Variants in PCNX2 observed in about 807,000 individuals in gnomAD.
PCNX2 encodes pecanex 2.
A neutral mutation model predicts 223.8 loss-of-function variants in PCNX2; 168 were observed. The observed-to-expected ratio is 0.75, with a 90% CI of 0.66 to 0.85. The LOEUF is 0.85. Ranked by LOEUF, PCNX2 falls within the 40% of genes least tolerant of loss-of-function variation. The pLI is 0.00. For missense variants in PCNX2, 2,507 were observed against 2,675.5 expected (o/e 0.94, Z 1.39); for synonymous variants, 1,006 against 1,052.6 (o/e 0.96, Z 0.86).
chr1:233,258,570 A>T lies in PCNX2; in HGVS notation c.1292T>A (p.Ile431Asn). ...CCCACCCTCAGGCAGGTCCAGGGTG[A>T]TTACAGGAATTGAGATCTGCTCGGC... ...PNAEQISIPV[I>N]TLDLPEGGGG... Residue 431 changes from isoleucine (I) to asparagine (N), a missense_variant, in exon 5 of 34, where the codon ATC becomes AAC. Physicochemically the swap from Ile to Asn is moderately radical, Grantham distance 149. This residue lies in a region of PCNX2 where 1,031 missense variants were observed against 1,021.7 expected (regional missense o/e 1.01). Coordinates refer to ENST00000258229, the MANE Select transcript of PCNX2 (RefSeq NM_014801.4). 6.2e-7 allele frequency: 1 copy of T among 1,613,874 alleles called. No homozygotes were observed. The highest frequency in any genetic ancestry group is 1.3e-5 in the African/African-American group (1 of 74,996).
At chr1:233,057,183 C>A in intron 24 of PCNX2, 49 bp downstream of exon 24, 1 of 1,421,508 alleles carries the variant, frequency 7.0e-7, no homozygotes, top group Non-Finnish European at 9.8e-7. Context: ...TTTGAGAATC[C>A]ATCCATACAA....
chr1:233,209,909 C>T (rs367596566), intron 12 of PCNX2, among the ~76,000 whole-genome samples: 12 of 152,198 alleles, frequency 7.9e-5, no homozygotes, highest in Admixed American at 2.6e-4. Context: ...GTATAAATAA[C>T]GATGCAGTAT....
At chr1:233,019,747 C>T (rs947661643) in intron 26 of PCNX2, among the ~76,000 whole-genome samples, 3 of 151,854 alleles carry the variant, frequency 2.0e-5, no homozygotes, top group Admixed American at 6.6e-5. Context: ...ACAGGAGAAC[C>T]GTTGTGTCTG....
chr1:233,295,198 CTCCCTT>C lies in PCNX2; in HGVS notation c.153+122_153+127del. On this transcript the variant is annotated intron_variant, in intron 1 of 33. Transcript: ENST00000258229. This position sits in a 1 kb window ranked among gnomAD's most constrained non-coding sequence, Gnocchi z 4.1. ...TCTCTGTCCCAAATTTCTGAAGCCCCTCCCTTTCCGTCTCTTAAGAATCTCTACGAA... is the reference window on the plus strand; with the variant it reads ...TCTCTGTCCCAAATTTCTGAAGCCCCTCCGTCTCTTAAGAATCTCTACGAA... The C allele has an allele frequency of 2.2e-6, 3 of 1,339,364 alleles. No individual in the cohort carries two copies. Among genetic ancestry groups the C allele is most frequent in the Non-Finnish European group, 3.1e-6 (3 of 979,670 alleles). The allele number at this position is 1,339,364 out of a possible 1,614,324, so 83.0% of individuals were successfully genotyped here.
chr1:233,144,797 A>G (rs1677326939), intron 19 of PCNX2, among the ~76,000 whole-genome samples: 1 of 152,072 alleles, frequency 6.6e-6, no homozygotes, highest in South Asian at 2.1e-4. Context: ...TTTAGCCAGT[A>G]TATGTATGAA....
chr1:233,235,516 A>G (rs976102318), intron 9 of PCNX2, among the ~76,000 whole-genome samples: 1 of 152,178 alleles, frequency 6.6e-6, no homozygotes, highest in Admixed American at 6.5e-5. Context: ...GCTCAGAGCA[A>G]TATGTGGTCA....
chr1:233,159,498 T>C (rs1490251395), intron 19 of PCNX2, among the ~76,000 whole-genome samples: 1 of 152,142 alleles, frequency 6.6e-6, no homozygotes, highest in Non-Finnish European at 1.5e-5. Flanking sequence ...GAAGTTACAA[T>C]AGGCTAAACA....
At position 233,011,680 on chromosome 1, in the gene PCNX2, G is replaced by T. The variant is rs141256516; in HGVS notation, c.4952+2985C>A. Among the ~76,000 whole-genome samples, 1,158 of 152,218 alleles carry T rather than the reference G, an allele frequency of 7.6e-3. 14 individuals carry two copies. The highest frequency in any genetic ancestry group is 0.027 in the African/African-American group (1,112 of 41,522). ...CAGTTCTGGGAGCTTCTAGAGAGCTGAACATGTGCAGGTAGATAGGAAGGT... is the reference window on the plus strand; with the variant it reads ...CAGTTCTGGGAGCTTCTAGAGAGCTTAACATGTGCAGGTAGATAGGAAGGT... On this transcript the variant is annotated intron_variant, in intron 28 of 33. Transcript: ENST00000258229.
Position 233,295,368 on chromosome 1 carries a change from G to A in PCNX2, c.111C>T (p.Tyr37=). The change falls in exon 1 of 34, where the codon TAC becomes TAT. Residue 37 remains tyrosine, a synonymous_variant. Transcript: ENST00000258229. This position sits in a 1 kb window ranked among gnomAD's most constrained non-coding sequence, Gnocchi z 4.1. The part of the protein sequence containing the change: ...QSKFTNSCHL[Y]LWLFLLLLPL... Reference sequence around the variant, plus strand: ...GCAGCAGCAGGAGGAACAGCCACAGGTAGAGGTGGCAGCTGTTGGTGAACT... The same window carrying A: ...GCAGCAGCAGGAGGAACAGCCACAGATAGAGGTGGCAGCTGTTGGTGAACT... 1 of 1,566,220 alleles carries A rather than the reference G, an allele frequency of 6.4e-7. No homozygotes were observed. The highest frequency in any genetic ancestry group is 8.7e-7 in the Non-Finnish European group (1 of 1,155,052).
intron 21 of PCNX2, among the ~76,000 whole-genome samples, chr1:233,108,722 G>C (rs775016788): frequency 2.0e-4 from 31 of 152,170 alleles, no homozygotes; most frequent in Non-Finnish European, 3.5e-4. Context: ...ACTCACTGCA[G>C]CTGGGAGGGA....
At chr1:232,984,506 C>T in intron 33 of PCNX2, 29 bp from the exon 34 acceptor site, 8 of 1,604,592 alleles carry the variant, frequency 5.0e-6, no homozygotes, top group Non-Finnish European at 6.0e-6. Flanking sequence ...AAACAGTGAA[C>T]AGCTCAGCAA....
At chr1:233,186,889 GCA>G (rs371765912) in intron 15 of PCNX2, among the ~76,000 whole-genome samples, 20 of 149,766 alleles carry the variant, frequency 1.3e-4, no homozygotes, top group African/African-American at 2.9e-4. Context: ...ACATAGAAAT[GCA>G]CACACACACA....
upstream of PCNX2, among the ~76,000 whole-genome samples, chr1:233,295,963 TCTC>T (rs1362748359): frequency 1.3e-5 from 2 of 148,770 alleles, no homozygotes; most frequent in Non-Finnish European, 3.0e-5. The surrounding 1 kb of genome is among the most constrained non-coding windows in gnomAD (Gnocchi z 4.1). Flanking sequence ...TCTCTCTCTC[TCTC>T]TCTTTCTTTC....
At chr1:233,100,504 A>T (rs967960178) in intron 21 of PCNX2, among the ~76,000 whole-genome samples, 4 of 152,170 alleles carry the variant, frequency 2.6e-5, no homozygotes, top group African/African-American at 9.7e-5. Context: ...CTCTCATTTC[A>T]AATGACCTAT....
In PCNX2 at chr1:233,119,277, A is replaced by G. The variant is rs1675607958; in HGVS notation, c.3837+15736T>C. 5.3e-5 allele frequency among the ~76,000 whole-genome samples: 8 copies of G among 151,654 alleles called. No homozygotes were observed. The South Asian group carries it at 1.7e-3, about 32-fold the overall frequency. On this transcript the variant is annotated intron_variant, in intron 21 of 33. Coordinates refer to ENST00000258229, the MANE Select transcript of PCNX2 (RefSeq NM_014801.4). ...AAAGTATAAAACTTTTAGGAAAAAAAGGCCAGGCACGGTGGCTCATGCCTG... is the reference window on the plus strand; with the variant it reads ...AAAGTATAAAACTTTTAGGAAAAAAGGGCCAGGCACGGTGGCTCATGCCTG...
At chr1:233,179,040 A>G in intron 16 of PCNX2, 26 bp downstream of exon 16, 1 of 1,593,822 alleles carries the variant, frequency 6.3e-7, no homozygotes, top group Non-Finnish European at 8.6e-7. Flanking sequence ...CTCAGTGATG[A>G]GAGAGCACAG....
chr1:233,033,425 C>T (rs1306585136), intron 25 of PCNX2, among the ~76,000 whole-genome samples: 2 of 152,150 alleles, frequency 1.3e-5, no homozygotes, highest in Admixed American at 6.5e-5. Flanking sequence ...GATTTCACTC[C>T]GGGCTTTCCA....
chr1:233,250,107 A>G (rs917470959), intron 8 of PCNX2, among the ~76,000 whole-genome samples: 1 of 152,210 alleles, frequency 6.6e-6, no homozygotes, highest in African/African-American at 2.4e-5. Flanking sequence ...ACTTAGAGCA[A>G]CCAACTGAGA....
chr1:233,150,698 A>G (rs1256585480), intron 19 of PCNX2, among the ~76,000 whole-genome samples: 1 of 152,072 alleles, frequency 6.6e-6, no homozygotes, highest in Non-Finnish European at 1.5e-5. Context: ...TTTGATACAA[A>G]GTCTTACTCC....
Sources: allele counts gnomAD v4.1 joint callset (sites outside exome capture counted in the v4.1 genomes callset), GRCh38; gene constraint gnomAD v4.1.1; regional missense constraint gnomAD v4.1.1; non-coding constraint Gnocchi (gnomAD v3.1); transcripts MANE v1.5; gene names NCBI Gene and HGNC (gene_info 2026-07-23, HGNC 2026-07-21).